The following USP15 variants were observed in gnomAD, a reference collection of about 807,000 sequenced individuals.
The protein encoded by USP15 is ubiquitin carboxyl-terminal hydrolase 15.
A neutral mutation model predicts 127.1 loss-of-function variants in USP15; 18 were observed. The ratio of observed to expected loss-of-function variants is 0.14; its 90% CI spans 0.10 to 0.21. The LOEUF (loss-of-function observed/expected upper bound fraction) is 0.21. Among genes scored for constraint, USP15 ranks in the 10% least tolerant of loss-of-function variants. USP15 has a pLI of 1.00. For missense variants in USP15, 805 were observed against 1,159.9 expected (o/e 0.69, Z 4.44); for synonymous variants, 364 against 393.7 (o/e 0.92, Z 0.89).
At chr12:62,307,982 T>G (rs969245197) in intron 3 of USP15, among the ~76,000 whole-genome samples, 2 of 152,130 alleles carry the variant, frequency 1.3e-5, no homozygotes, top group African/African-American at 4.8e-5. Context: ...TTGTTCTATT[T>G]TATTATTAGC....
intron 1 of USP15, among the ~76,000 whole-genome samples, chr12:62,293,882 C>G (rs965882630): frequency 6.6e-6 from 1 of 152,074 alleles, no homozygotes; most frequent in Non-Finnish European, 1.5e-5. Context: ...TTTATTTTGA[C>G]AAATTCTTAC....
chr12:62,288,061 A>C (rs1277225923), intron 1 of USP15, among the ~76,000 whole-genome samples: 2 of 152,124 alleles, frequency 1.3e-5, no homozygotes, highest in Non-Finnish European at 2.9e-5. Context: ...AGTATTGCTT[A>C]ATCTATTGAG....
chr12:62,357,255 G>A (rs1199343685), intron 8 of USP15, among the ~76,000 whole-genome samples: 1 of 151,946 alleles, frequency 6.6e-6, no homozygotes, highest in Non-Finnish European at 1.5e-5. Flanking sequence ...CTGTGCCTTT[G>A]ATACATCTGT....
chr12:62,384,463 A>G (rs1169604345), intron 11 of USP15, among the ~76,000 whole-genome samples, 161 bp downstream of exon 11: 1 of 151,244 alleles, frequency 6.6e-6, no homozygotes, highest in Admixed American at 6.6e-5. Context: ...TAAGCTGAAT[A>G]CTTTGGAAAT....
intron 6 of USP15, among the ~76,000 whole-genome samples, chr12:62,346,611 C>A (rs752647263): frequency 5.9e-5 from 9 of 152,120 alleles, no homozygotes; most frequent in Non-Finnish European, 1.3e-4. Context: ...TTAATTCTTA[C>A]CTTTGTTGTT....
intron 8 of USP15, among the ~76,000 whole-genome samples, chr12:62,376,340 A>AT (rs1458574457): frequency 3.3e-5 from 5 of 152,180 alleles, no homozygotes; most frequent in Admixed American, 2.0e-4. Flanking sequence ...CTATTGCTTT[A>AT]TTTTTAACAT....
chr12:62,332,705 C>T (rs1210639014), intron 6 of USP15, among the ~76,000 whole-genome samples: 3 of 152,246 alleles, frequency 2.0e-5, no homozygotes, highest in South Asian at 2.1e-4. Context: ...AATGTACTAT[C>T]GTCCAGAATA....
Position 62,352,891 on chromosome 12 carries a change from CTAATA to C in USP15, c.771-2433_771-2429del, listed in dbSNP as rs925276245. ...AAGAAGGATATAATACAGAATTAATCTAATATAATATTACAATTCCCATTACTATT... is the reference window on the plus strand; with the variant it reads ...AAGAAGGATATAATACAGAATTAATCTAATATTACAATTCCCATTACTATT... On this transcript the variant is annotated intron_variant, in intron 7 of 21. Coordinates refer to ENST00000280377, the MANE Select transcript of USP15 (RefSeq NM_001252078.2). Among the ~76,000 whole-genome samples, 59 of 151,890 alleles carry C rather than the reference CTAATA, an allele frequency of 3.9e-4. 1 individual carries two copies. In the East Asian group the frequency reaches 6.6e-3, roughly 17 times the overall value.
chr12:62,286,589 T>G (rs992296175), intron 1 of USP15, among the ~76,000 whole-genome samples: 1 of 152,134 alleles, frequency 6.6e-6, no homozygotes, highest in Non-Finnish European at 1.5e-5. Context: ...CTGTTCACAA[T>G]AGTAAAGACA....
At chr12:62,260,584 C>A in intron 1 of USP15, 81 bp downstream of exon 1, 1 of 1,379,550 alleles carries the variant, frequency 7.2e-7, no homozygotes. Context: ...GGTTCTTTCG[C>A]TAGTGACAGG....
intron 8 of USP15, among the ~76,000 whole-genome samples, chr12:62,377,096 T>G (rs1009827932): frequency 8.5e-5 from 13 of 152,178 alleles, no homozygotes; most frequent in African/African-American, 2.2e-4. Context: ...ATTTAGGGGG[T>G]ACATGAGGTA....
At chr12:62,396,152 A>T (rs1300538408) in intron 19 of USP15, 143 bp from the exon 20 acceptor site, 5 of 345,062 alleles carry the variant, frequency 1.4e-5, no homozygotes, top group Non-Finnish European at 2.5e-5. Flanking sequence ...TTCCTTAGTG[A>T]GATATATATA....
intron 1 of USP15, among the ~76,000 whole-genome samples, chr12:62,269,650 G>A (rs537089374): frequency 6.6e-6 from 1 of 151,832 alleles, no homozygotes; most frequent in African/African-American, 2.4e-5. Flanking sequence ...TGAACTCCTG[G>A]CCTCAAGCAC....
chr12:62,260,963 C>T (rs1011886447), intron 1 of USP15, among the ~76,000 whole-genome samples: 1 of 152,074 alleles, frequency 6.6e-6, no homozygotes, highest in African/African-American at 2.4e-5. Context: ...TATTCTGATT[C>T]TTGGTCTTCC....
chr12:62,383,739 T>A, intron 9 of USP15, 101 bp from the exon 10 acceptor site: 2 of 1,312,812 alleles, frequency 1.5e-6, no homozygotes, highest in Non-Finnish European at 2.1e-6. Context: ...GCAGGCAAAT[T>A]CACAAATGTG....
At position 62,302,800 on chromosome 12, in the gene USP15, C is replaced by G. The variant is rs375798523; in HGVS notation, c.228C>G (p.Ala76=). The G allele has an allele frequency of 7.6e-5, 122 of 1,606,628 alleles. No homozygotes were observed. The highest frequency in any genetic ancestry group is 9.3e-5 in the Non-Finnish European group (109 of 1,175,558). ...DNSGLLKDGD[A]QSLKEHLIDE... is the part of the protein sequence containing the mutation. ...TTTTTTCTTTTGCAGATGGTGATGC[C>G]CAGTCACTTAAGGAACACCTTATTG... The change falls in exon 3 of 22, where the codon GCC becomes GCG. Residue 76 remains alanine (A), a synonymous_variant. Transcript: ENST00000280377.
chr12:62,316,050 T>G (rs1188135613), intron 4 of USP15, among the ~76,000 whole-genome samples: 1 of 152,000 alleles, frequency 6.6e-6, no homozygotes, highest in Non-Finnish European at 1.5e-5. Flanking sequence ...TTTGGGAGGC[T>G]CAGGCGGGTG....
At chr12:62,274,196 C>A (rs915031428) in intron 1 of USP15, 1 of 151,958 alleles carries the variant, frequency 6.6e-6, no homozygotes, top group Non-Finnish European at 1.5e-5. Context: ...TTTGGCTTTT[C>A]CTTCTGTTAA....
At chr12:62,364,326 T>A (rs1048203177) in intron 8 of USP15, among the ~76,000 whole-genome samples, 6 of 152,200 alleles carry the variant, frequency 3.9e-5, no homozygotes, top group African/African-American at 1.4e-4. Flanking sequence ...TGCTCAGCAG[T>A]ATTGAGGTCT....
Sources: allele counts gnomAD v4.1 joint callset (sites outside exome capture counted in the v4.1 genomes callset), GRCh38; gene constraint gnomAD v4.1.1; transcripts MANE v1.5; gene names NCBI Gene and HGNC (gene_info 2026-07-23, HGNC 2026-07-21).